The following LDLRAD4 variants were observed in gnomAD, a reference collection of about 807,000 sequenced individuals.
LDLRAD4 encodes the protein low-density lipoprotein receptor class A domain-containing protein 4.
A neutral mutation model predicts 17.0 loss-of-function variants in LDLRAD4; 5 were observed. That is an observed-to-expected ratio of 0.29 (90% confidence interval 0.15 to 0.62). The LOEUF (loss-of-function observed/expected upper bound fraction) is 0.62. Ranked by LOEUF, LDLRAD4 falls within the 20% of genes least tolerant of loss-of-function variation. The pLI is 0.84. For missense variants in LDLRAD4, 340 were observed against 424.7 expected (o/e 0.80, Z 1.75); for synonymous variants, 168 against 171.8 (o/e 0.98, Z 0.17).
intron 3 of LDLRAD4, among the ~76,000 whole-genome samples, chr18:13,467,717 T>A (rs914352516): frequency 1.3e-5 from 2 of 152,214 alleles, no homozygotes; most frequent in Non-Finnish European, 2.9e-5. Flanking sequence ...GTCAGAGGAC[T>A]CACACTTCCC....
intron 1 of LDLRAD4, among the ~76,000 whole-genome samples, chr18:13,345,423 G>A (rs995074582): frequency 3.3e-5 from 5 of 152,248 alleles, no homozygotes; most frequent in Non-Finnish European, 5.9e-5. Context: ...TGCATCCCAG[G>A]GATGAAGCCC....
chr18:13,483,154 G>C (rs1785114), intron 3 of LDLRAD4, among the ~76,000 whole-genome samples: 134,717 of 152,178 alleles, frequency 0.89, 59,727 homozygotes, highest in South Asian at 0.96. Context: ...TTTTCTGAGC[G>C]CATGTTTTCA....
At chr18:13,497,128 C>A (rs1397927465) in intron 3 of LDLRAD4, among the ~76,000 whole-genome samples, 1 of 152,204 alleles carries the variant, frequency 6.6e-6, no homozygotes, top group East Asian at 1.9e-4. Context: ...AAAGTGGAGA[C>A]TGCTTAGTTA....
At chr18:13,289,706 C>A (rs893646287) in intron 1 of LDLRAD4, among the ~76,000 whole-genome samples, 1 of 152,198 alleles carries the variant, frequency 6.6e-6, no homozygotes, top group Non-Finnish European at 1.5e-5. Context: ...TGTGTCCAGT[C>A]CTGAGCCATT....
intron 3 of LDLRAD4, among the ~76,000 whole-genome samples, chr18:13,517,792 G>T (rs1307004060): frequency 6.6e-6 from 1 of 152,098 alleles, no homozygotes; most frequent in Non-Finnish European, 1.5e-5. Context: ...AGGCTGGAGT[G>T]CAGTGGTGCG....
intron 1 of LDLRAD4, among the ~76,000 whole-genome samples, chr18:13,332,651 GAGTA>G (rs1344361513): frequency 6.6e-6 from 1 of 152,212 alleles, no homozygotes; most frequent in East Asian, 1.9e-4. Flanking sequence ...TGGAATCATA[GAGTA>G]CGTAGCCTTT....
chr18:13,548,960 A>G (rs949902868), intron 3 of LDLRAD4, among the ~76,000 whole-genome samples: 7 of 152,236 alleles, frequency 4.6e-5, no homozygotes, highest in African/African-American at 7.2e-5. Context: ...TGGGGAATCT[A>G]TTAATTATTT....
At chr18:13,427,301 A>G (rs2090015173) in intron 2 of LDLRAD4, 1 of 152,694 alleles carries the variant, frequency 6.5e-6, no homozygotes, top group African/African-American at 2.4e-5. Flanking sequence ...GATTCTAGGC[A>G]GATGCCATGA....
At chr18:13,566,423 C>T (rs9955520) in intron 3 of LDLRAD4, among the ~76,000 whole-genome samples, 1,629 of 147,658 alleles carry the variant, frequency 0.011, 35 homozygotes, top group African/African-American at 0.039. Flanking sequence ...AGTGCAGTGG[C>T]GCAATCTTAG....
intron 2 of LDLRAD4, among the ~76,000 whole-genome samples, chr18:13,389,465 G>A (rs1206170525): frequency 6.6e-6 from 1 of 152,198 alleles, no homozygotes; most frequent in African/African-American, 2.4e-5. Flanking sequence ...CACCCCAGGA[G>A]GCAGCTGGGG....
At chr18:13,328,041 C>G (rs750593405) in intron 1 of LDLRAD4, among the ~76,000 whole-genome samples, 2 of 152,170 alleles carry the variant, frequency 1.3e-5, no homozygotes, top group African/African-American at 2.4e-5. Context: ...CCATCAGGCT[C>G]TCCTCCCTGC....
At chr18:13,516,614 C>T (rs2093871469) in intron 3 of LDLRAD4, among the ~76,000 whole-genome samples, 1 of 152,164 alleles carries the variant, frequency 6.6e-6, no homozygotes, top group African/African-American at 2.4e-5. Flanking sequence ...TTCAAGTGGA[C>T]ACTATTTTTG....
chr18:13,254,823 G>A (rs1365396583), intron 1 of LDLRAD4, among the ~76,000 whole-genome samples: 2 of 152,178 alleles, frequency 1.3e-5, no homozygotes, highest in Non-Finnish European at 2.9e-5. Context: ...AATTAGCTGG[G>A]CGTAGTGGCA....
chr18:13,609,866 C>T (rs1376808415), intron 3 of LDLRAD4, among the ~76,000 whole-genome samples: 1 of 152,144 alleles, frequency 6.6e-6, no homozygotes, highest in Non-Finnish European at 1.5e-5. Flanking sequence ...CCTGTAATCC[C>T]AGCTACTCGG....
intron 3 of LDLRAD4, among the ~76,000 whole-genome samples, chr18:13,480,023 C>T (rs1031714869): frequency 1.3e-5 from 2 of 152,210 alleles, no homozygotes; most frequent in Non-Finnish European, 2.9e-5. Context: ...CAAAACTCAG[C>T]ATAATCTTAC....
In LDLRAD4 at chr18:13,409,494, A is replaced by G. The variant is rs111903862; in HGVS notation, c.40+21732A>G. On this transcript the variant is annotated intron_variant, in intron 2 of 5. Coordinates refer to ENST00000359446, the Ensembl canonical transcript of LDLRAD4. ...GGAAGACTTTAAGCTACTGATAGAT[A>G]GGTCAGACTATTAACCTATTGTATC... Among the ~76,000 whole-genome samples, 1,427 of 152,386 alleles carry G rather than the reference A, an allele frequency of 9.4e-3. 24 individuals carry two copies. The highest frequency in any genetic ancestry group is 0.031 in the African/African-American group (1,297 of 41,594).
chr18:13,223,100 C>T (rs1195060523), intron 1 of LDLRAD4, among the ~76,000 whole-genome samples: 1 of 152,168 alleles, frequency 6.6e-6, no homozygotes, highest in Non-Finnish European at 1.5e-5. Context: ...TAGTTGTTTG[C>T]GGACACACAG....
intron 2 of LDLRAD4, among the ~76,000 whole-genome samples, chr18:13,403,942 G>A (rs1364209173): frequency 1.3e-5 from 2 of 152,218 alleles, no homozygotes. Flanking sequence ...CCTGTCCCGG[G>A]GAGGCACCCA....
chr18:13,576,421 C>CA (rs60116058), intron 3 of LDLRAD4, among the ~76,000 whole-genome samples: 1,818 of 90,170 alleles, frequency 0.02, 16 homozygotes, highest in African/African-American at 0.032. Context: ...GACTCTGTCT[C>CA]AAAAAAAAAA....
Sources: allele counts gnomAD v4.1 joint callset (sites outside exome capture counted in the v4.1 genomes callset), GRCh38; gene constraint gnomAD v4.1.1; transcripts MANE v1.5; gene names NCBI Gene and HGNC (gene_info 2026-07-23, HGNC 2026-07-21).